ADSS2: variants seen among roughly 807,000 people sequenced by gnomAD.
The protein encoded by ADSS2 is adenylosuccinate synthetase isozyme 2.
Under a neutral mutation model 60.0 loss-of-function variants are expected in ADSS2, and 30 were observed. The observed-to-expected ratio is 0.50, with a 90% CI of 0.37 to 0.68. ADSS2 has a LOEUF of 0.68. Ranked by LOEUF, ADSS2 falls within the 30% of genes least tolerant of loss-of-function variation. ADSS2 has a pLI of 0.00. For synonymous variants in ADSS2, 187 were observed against 193.1 expected, an observed-to-expected ratio of 0.97 and a Z score of 0.26; for missense variants, 373 against 554.8, an observed-to-expected ratio of 0.67 and a Z score of 3.29.
At chr1:244,448,782 AC>A (rs1457653270) in intron 1 of ADSS2, among the ~76,000 whole-genome samples, 8 of 152,138 alleles carry the variant, frequency 5.3e-5, no homozygotes, top group African/African-American at 1.9e-4. Flanking sequence ...CTCTTGAGAA[AC>A]GTATTAGACT....
Position 244,451,601 on chromosome 1 carries a change from G to A in ADSS2, c.183+34C>T, listed in dbSNP as rs1470437042. Reference sequence around the variant, plus strand: ...GGAGCCAGGCAGCCCGAGCTCCCGGGCCCGGCTTCCCATGAGAGGCCCCGT... The same window carrying A: ...GGAGCCAGGCAGCCCGAGCTCCCGGACCCGGCTTCCCATGAGAGGCCCCGT... On this transcript the variant is annotated intron_variant, in intron 1 of 12. Coordinates refer to ENST00000366535, the MANE Select transcript of ADSS2 (RefSeq NM_001126.5). This position sits in a 1 kb window ranked among gnomAD's most constrained non-coding sequence, Gnocchi z 6.6. 8.2e-6 allele frequency: 13 copies of A among 1,578,876 alleles called. No individual in the cohort carries two copies. The highest frequency in any genetic ancestry group is 1.0e-5 in the Non-Finnish European group (12 of 1,162,722).
intron 2 of ADSS2, 107 bp downstream of exon 2, chr1:244,437,559 T>C: frequency 1.3e-6 from 1 of 795,750 alleles, no homozygotes; most frequent in Non-Finnish European, 2.1e-6. Context: ...AAGAGATCAA[T>C]GAACCATCTG....
At chr1:244,440,687 G>C (rs907421479) in intron 1 of ADSS2, among the ~76,000 whole-genome samples, 5 of 152,166 alleles carry the variant, frequency 3.3e-5, no homozygotes, top group African/African-American at 7.2e-5. Context: ...GTTAGCACAA[G>C]TTTTTGGTCC....
At chr1:244,432,658 T>TTG in intron 3 of ADSS2, 63 bp from the exon 4 acceptor site, 1 of 825,906 alleles carries the variant, frequency 1.2e-6, no homozygotes. Context: ...AAATCTTAAT[T>TTG]TCTTTTTTTT....
chr1:244,430,245 T>G (rs1052090167), intron 4 of ADSS2, among the ~76,000 whole-genome samples: 7 of 152,224 alleles, frequency 4.6e-5, no homozygotes, highest in African/African-American at 1.7e-4. Flanking sequence ...TTTGTTTTGG[T>G]GGTCTAAAGT....
intron 5 of ADSS2, 30 bp downstream of exon 5, chr1:244,424,291 T>G: frequency 1.2e-6 from 2 of 1,602,348 alleles, no homozygotes; most frequent in Non-Finnish European, 1.7e-6. Flanking sequence ...ATGCTTAAAC[T>G]GTACCAAAAA....
chr1:244,424,393 G>A lies in ADSS2; in HGVS notation c.407-6C>T. The A allele has an allele frequency of 6.2e-7, 1 of 1,611,700 alleles. No individual in the cohort carries two copies. The highest frequency in any genetic ancestry group is 8.5e-7 in the Non-Finnish European group (1 of 1,178,620). ...TGCTTGATGAAAATCAAATACTGAGGGGAAATAAAACCACAGTTGTTGAAA... is the reference window on the plus strand; with the variant it reads ...TGCTTGATGAAAATCAAATACTGAGAGGAAATAAAACCACAGTTGTTGAAA... On this transcript the variant is annotated splice_region_variant and splice_polypyrimidine_tract_variant and intron_variant, in intron 4 of 12. Coordinates refer to ENST00000366535, the MANE Select transcript of ADSS2 (RefSeq NM_001126.5).
rs1343526546 is a variant in ADSS2, at chr1:244,436,835, T to C, written c.345A>G (p.Gln115=). 2 of 1,611,760 alleles carry C rather than the reference T, an allele frequency of 1.2e-6. No homozygotes were observed. Among genetic ancestry groups the C allele is most frequent in the African/African-American group, 2.7e-5 (2 of 74,898 alleles). Residue 115 remains glutamine (Q), a synonymous_variant, in exon 3 of 13, where the codon CAA becomes CAG. Coordinates refer to ENST00000366535, the MANE Select transcript of ADSS2 (RefSeq NM_001126.5). ...CTCATTCTTTCATACCTTTTCCTTT[T>C]TGAACATTTTTCTCTGCTTCTTCAA... ...GLFEEAEKNV[Q]KGKGLEGWEK...
intron 7 of ADSS2, among the ~76,000 whole-genome samples, chr1:244,421,728 C>T (rs548824191): frequency 1.3e-4 from 20 of 152,266 alleles, no homozygotes; most frequent in Non-Finnish European, 2.9e-4. Context: ...CCTGTAACCC[C>T]AGCACTTTGG....
intron 10 of ADSS2, among the ~76,000 whole-genome samples, chr1:244,416,539 C>T (rs1215112969): frequency 1.3e-5 from 2 of 152,124 alleles, no homozygotes; most frequent in African/African-American, 4.8e-5. Context: ...AGGCTGGTCT[C>T]GAACTCCCAG....
intron 1 of ADSS2, among the ~76,000 whole-genome samples, chr1:244,443,973 C>A (rs563358936): frequency 6.6e-6 from 1 of 152,286 alleles, no homozygotes; most frequent in South Asian, 2.1e-4. Flanking sequence ...TACCCTACCC[C>A]CCACCAACAC....
At chr1:244,429,754 T>C (rs1250564721) in intron 4 of ADSS2, among the ~76,000 whole-genome samples, 1 of 152,002 alleles carries the variant, frequency 6.6e-6, no homozygotes, top group Non-Finnish European at 1.5e-5. Flanking sequence ...TGGTGGGACA[T>C]GCCTGTAATC....
chr1:244,412,128 A>C (rs1453335006), intron 11 of ADSS2, among the ~76,000 whole-genome samples: 1 of 152,178 alleles, frequency 6.6e-6, no homozygotes, highest in Non-Finnish European at 1.5e-5. Context: ...TCAATGTAGG[A>C]ATAGAAACAA....
In ADSS2 at chr1:244,423,185, T is replaced by A. The variant is rs73129713; in HGVS notation, c.582-269A>T. Reference sequence around the variant, plus strand: ...GTGTAGGGAGGGAAGAGAAATGGAATGACTAAAATCTGTAAACACAAAAGA... The same window carrying A: ...GTGTAGGGAGGGAAGAGAAATGGAAAGACTAAAATCTGTAAACACAAAAGA... On this transcript the variant is annotated intron_variant, in intron 6 of 12. Transcript: ENST00000366535. 3.3e-3 allele frequency among the ~76,000 whole-genome samples: 502 copies of A among 152,220 alleles called. 7 individuals carry two copies. Among genetic ancestry groups the A allele is most frequent in the African/African-American group, 0.011 (469 of 41,518 alleles).
At chr1:244,435,003 C>G (rs1045721511) in intron 3 of ADSS2, among the ~76,000 whole-genome samples, 3 of 151,540 alleles carry the variant, frequency 2.0e-5, no homozygotes, top group African/African-American at 7.3e-5. Flanking sequence ...CCCTTCTCTA[C>G]TAAAAATACA....
At chr1:244,422,316 G>A (rs1027178391) in intron 7 of ADSS2, among the ~76,000 whole-genome samples, 3 of 152,212 alleles carry the variant, frequency 2.0e-5, no homozygotes, top group African/African-American at 7.2e-5. Flanking sequence ...TCAACTACTG[G>A]CCAATGTAAG....
intron 1 of ADSS2, among the ~76,000 whole-genome samples, chr1:244,445,321 A>G (rs1378459197): frequency 6.6e-6 from 1 of 152,270 alleles, no homozygotes; most frequent in Non-Finnish European, 1.5e-5. Flanking sequence ...ATCTTGTACT[A>G]GTGAAACTGA....
intron 1 of ADSS2, among the ~76,000 whole-genome samples, chr1:244,444,861 A>C (rs1251824928): frequency 2.0e-5 from 3 of 152,196 alleles, no homozygotes; most frequent in African/African-American, 4.8e-5. Context: ...ATCCAGAACA[A>C]ATGCTTCCTC....
Position 244,409,503 on chromosome 1 carries a change from G to C in ADSS2, c.*83C>G. On this transcript the variant is annotated 3_prime_UTR_variant, in exon 13 of 13. Transcript: ENST00000366535. ...AACTTACTTCAGTGTCTTTATTCTT[G>C]AATTTGCAGGTCATAAATGAAATAT... The C allele has an allele frequency of 9.0e-7, 1 of 1,115,712 alleles. No homozygotes were observed. The highest frequency in any genetic ancestry group is 1.3e-6 in the Non-Finnish European group (1 of 747,994). The allele number at this position is 1,115,712 out of a possible 1,614,324, so 69.1% of individuals were successfully genotyped here.
Sources: allele counts gnomAD v4.1 joint callset (sites outside exome capture counted in the v4.1 genomes callset), GRCh38; gene constraint gnomAD v4.1.1; non-coding constraint Gnocchi (gnomAD v3.1); transcripts MANE v1.5; gene names NCBI Gene and HGNC (gene_info 2026-07-23, HGNC 2026-07-21).